Variants in ASTN2 observed in about 807,000 individuals in gnomAD.
ASTN2 encodes astrotactin-2.
In ASTN2, 54 loss-of-function variants were observed where a neutral mutation model predicts 139.8. The ratio of observed to expected loss-of-function variants is 0.39; its 90% confidence interval spans 0.31 to 0.48. ASTN2 has a LOEUF of 0.48. ASTN2 is among the 20% of genes least tolerant of loss of function. ASTN2 has a pLI of 0.95. For missense variants in ASTN2, 1,565 were observed against 1,725.1 expected (o/e 0.91, Z 1.64); for synonymous variants, 756 against 719.5 (o/e 1.05, Z -0.81).
chr9:116,563,332 G>A (rs12341123), intron 19 of ASTN2, among the ~76,000 whole-genome samples: 41,023 of 151,404 alleles, frequency 0.27, 6,461 homozygotes, highest in Admixed American at 0.41. Flanking sequence ...CCAAGATCAC[G>A]CCACTGCACT....
intron 12 of ASTN2, among the ~76,000 whole-genome samples, chr9:116,810,184 C>G (rs1831127687): frequency 1.3e-5 from 2 of 152,206 alleles, no homozygotes; most frequent in South Asian, 2.1e-4. Context: ...TTGGAGTTCT[C>G]TAACTGAGAA....
chr9:117,320,228 A>G (rs933013584), intron 1 of ASTN2, among the ~76,000 whole-genome samples: 3 of 152,132 alleles, frequency 2.0e-5, no homozygotes. Flanking sequence ...AAGGCCCACA[A>G]TGAAATGAAA....
rs1050359063 is a variant in ASTN2, at chr9:116,511,600, C to A, written c.3356-24100G>T. On this transcript the variant is annotated intron_variant, in intron 19 of 22. Coordinates refer to ENST00000313400, the MANE Select transcript of ASTN2 (RefSeq NM_001365068.1). ...ATGGTACGAGCTCTGCCTTGTACCT[C>A]TGGTAGAATTTGGCTGTGAATCCGT... 8.5e-5 allele frequency among the ~76,000 whole-genome samples: 13 copies of A among 152,106 alleles called. No individual in the cohort carries two copies. The East Asian group carries it at 2.5e-3, about 29-fold the overall frequency.
intron 13 of ASTN2, among the ~76,000 whole-genome samples, chr9:116,748,154 G>A (rs1432710985): frequency 6.6e-6 from 1 of 152,090 alleles, no homozygotes; most frequent in Non-Finnish European, 1.5e-5. Flanking sequence ...GCATTTTTCT[G>A]ACAAAGTATT....
chr9:116,746,449 T>C (rs1829237198), intron 13 of ASTN2, among the ~76,000 whole-genome samples: 1 of 152,108 alleles, frequency 6.6e-6, no homozygotes, highest in African/African-American at 2.4e-5. Context: ...CTCTTCCTCT[T>C]TAAAGATCCT....
intron 10 of ASTN2, among the ~76,000 whole-genome samples, chr9:116,915,279 G>T (rs563342326): frequency 4.6e-5 from 7 of 152,322 alleles, no homozygotes; most frequent in Non-Finnish European, 7.3e-5. Flanking sequence ...TTCTTGGGAA[G>T]AGGCTTTTGC....
At chr9:117,292,324 G>C (rs751696690) in intron 1 of ASTN2, among the ~76,000 whole-genome samples, 2 of 152,072 alleles carry the variant, frequency 1.3e-5, no homozygotes, top group Non-Finnish European at 2.9e-5. Flanking sequence ...TAGTATTTTT[G>C]TTCAATGTAT....
At chr9:116,690,686 T>C (rs182718256) in intron 16 of ASTN2, among the ~76,000 whole-genome samples, 54 of 152,350 alleles carry the variant, frequency 3.5e-4, no homozygotes, top group African/African-American at 1.2e-3. Context: ...GGCTGGGAGT[T>C]GATACTGGGA....
At chr9:117,228,935 C>T (rs71507507) in intron 2 of ASTN2, among the ~76,000 whole-genome samples, 73,162 of 151,556 alleles carry the variant, frequency 0.48, 17,900 homozygotes, top group South Asian at 0.62. Context: ...ACCTGGGAGG[C>T]GGAGGTTAAA....
chr9:116,943,607 T>C (rs933679769), intron 10 of ASTN2, among the ~76,000 whole-genome samples: 3 of 152,170 alleles, frequency 2.0e-5, no homozygotes, highest in African/African-American at 7.2e-5. Flanking sequence ...TCTGGATGCA[T>C]GTAGGATTGT....
At chr9:117,382,967 T>C (rs1830308905) in intron 1 of ASTN2, among the ~76,000 whole-genome samples, 1 of 152,116 alleles carries the variant, frequency 6.6e-6, no homozygotes, top group South Asian at 2.1e-4. Context: ...ACTTTTTTAG[T>C]GAAGGGCCAG....
In ASTN2 at chr9:116,593,468, T is replaced by C. The variant is rs201614233; in HGVS notation, c.3355+24856A>G. ...CTGAAGGGAGGTAACCTGCTTTTTA[T>C]CTTTACCTTCATTTCACTTGTCCAA... On this transcript the variant is annotated intron_variant, in intron 19 of 22. Coordinates refer to ENST00000313400, the MANE Select transcript of ASTN2 (RefSeq NM_001365068.1). 1.5e-4 allele frequency among the ~76,000 whole-genome samples: 23 copies of C among 152,348 alleles called. No homozygotes were observed. In the East Asian group the frequency reaches 4.4e-3, roughly 29 times the overall value.
chr9:116,663,176 T>C (rs571283701), intron 16 of ASTN2, among the ~76,000 whole-genome samples: 9 of 152,312 alleles, frequency 5.9e-5, no homozygotes, highest in African/African-American at 1.7e-4. Flanking sequence ...TGGACAAGGC[T>C]TACGGAATTG....
chr9:116,916,708 T>C (rs1186442797), intron 10 of ASTN2, among the ~76,000 whole-genome samples: 2 of 152,024 alleles, frequency 1.3e-5, no homozygotes, highest in African/African-American at 4.8e-5. Flanking sequence ...GGTGTGGTGG[T>C]GTGTGCCTGT....
chr9:117,097,970 G>A (rs1305524493), intron 4 of ASTN2, among the ~76,000 whole-genome samples: 1 of 152,124 alleles, frequency 6.6e-6, no homozygotes, highest in African/African-American at 2.4e-5. Context: ...CATAAGAGTG[G>A]TGTAATTAAC....
At chr9:116,720,633 A>T (rs530138868) in intron 16 of ASTN2, among the ~76,000 whole-genome samples, 32 of 149,468 alleles carry the variant, frequency 2.1e-4, no homozygotes, top group South Asian at 1.7e-3. Context: ...CCTCTCTCTC[A>T]CACACACACA....
chr9:116,854,406 T>A (rs1832685420), intron 11 of ASTN2, among the ~76,000 whole-genome samples: 1 of 152,176 alleles, frequency 6.6e-6, no homozygotes, highest in Non-Finnish European at 1.5e-5. Flanking sequence ...AACCCAAGGC[T>A]AAGAGGCTTT....
intron 12 of ASTN2, among the ~76,000 whole-genome samples, chr9:116,807,491 G>A (rs1195134082): frequency 6.6e-6 from 1 of 152,184 alleles, no homozygotes; most frequent in Non-Finnish European, 1.5e-5. Flanking sequence ...CCTTTCCATA[G>A]TACAGTGGGG....
At position 117,074,093 on chromosome 9, in the gene ASTN2, G is replaced by GA. The variant is rs66565720; in HGVS notation, c.1276+21950dup. 1.6e-3 allele frequency among the ~76,000 whole-genome samples: 243 copies of GA among 150,382 alleles called. 1 individual carries two copies. Among genetic ancestry groups the GA allele is most frequent in the African/African-American group, 5.4e-3 (221 of 40,968 alleles). ...CAAGACAGCGTTCTGTTCTATTGAGGAAAAAAAAAAAGACCTTAATAGTAC... is the reference window on the plus strand; with the variant it reads ...CAAGACAGCGTTCTGTTCTATTGAGGAAAAAAAAAAAAGACCTTAATAGTAC... On this transcript the variant is annotated intron_variant, in intron 5 of 22. Transcript: ENST00000313400.
Sources: allele counts gnomAD v4.1 joint callset (sites outside exome capture counted in the v4.1 genomes callset), GRCh38; gene constraint gnomAD v4.1.1; transcripts MANE v1.5; gene names NCBI Gene and HGNC (gene_info 2026-07-23, HGNC 2026-07-21).